C6orf89: variants seen among roughly 807,000 people sequenced by gnomAD.
C6orf89 encodes the protein bombesin receptor-activated protein C6orf89.
A neutral mutation model predicts 40.7 loss-of-function variants in C6orf89; 29 were observed. That is an observed-to-expected ratio of 0.71 (90% CI 0.53 to 0.97). The LOEUF (loss-of-function observed/expected upper bound fraction) is 0.97, where lower values mean the gene tolerates loss of function less well. Among genes scored for constraint, C6orf89 ranks in the 50% least tolerant of loss-of-function variants. C6orf89 has a pLI of 0.00. For synonymous variants in C6orf89, 165 were observed against 152.2 expected, an observed-to-expected ratio of 1.08 and a Z score of -0.62; for missense variants, 392 against 429.1, an observed-to-expected ratio of 0.91 and a Z score of 0.76.
At chr6:36,893,221 AC>A (rs1373677987) in intron 1 of C6orf89, among the ~76,000 whole-genome samples, 1 of 151,114 alleles carries the variant, frequency 6.6e-6, no homozygotes, top group Non-Finnish European at 1.5e-5. Context: ...GGCGTGAGCC[AC>A]CGCGCCCGGC....
chr6:36,878,294 C>T (rs1434963657), intron 1 of C6orf89, among the ~76,000 whole-genome samples: 1 of 152,234 alleles, frequency 6.6e-6, no homozygotes, highest in Non-Finnish European at 1.5e-5. Flanking sequence ...ATGTCACTGT[C>T]ACACTACCTC....
upstream of C6orf89, among the ~76,000 whole-genome samples, chr6:36,884,639 C>T (rs531128676): frequency 5.3e-5 from 8 of 152,104 alleles, no homozygotes; most frequent in Non-Finnish European, 1.2e-4. The surrounding 1 kb of genome is among the most constrained non-coding windows in gnomAD (Gnocchi z 4.0). Context: ...CTGAGAGTGG[C>T]GCTAAGGCCC....
intron 4 of C6orf89, among the ~76,000 whole-genome samples, chr6:36,907,636 C>T (rs1193606538): frequency 1.3e-5 from 2 of 151,996 alleles, no homozygotes; most frequent in Non-Finnish European, 2.9e-5. Flanking sequence ...CTTTATTGAA[C>T]TTTTATATGT....
chr6:36,886,141 A>C (rs1338457275), intron 1 of C6orf89, 113 bp downstream of exon 1: 3 of 957,954 alleles, frequency 3.1e-6, no homozygotes, highest in Non-Finnish European at 4.1e-6. Flanking sequence ...ACCACCCTCT[A>C]TCCCAGCGCG....
In C6orf89 at chr6:36,914,584, C is replaced by G. The variant is rs1226132774; in HGVS notation, c.586C>G (p.Gln196Glu). The change falls in exon 6 of 9, where the codon CAG (glutamine) becomes GAG (glutamate). Residue 196 changes from glutamine (Q) to glutamate (E), a missense_variant. Gln to Glu is a conservative substitution (Grantham distance 29). Coordinates refer to ENST00000480824, the MANE Select transcript of C6orf89 (RefSeq NM_001286635.2). ...AAAGCCCCTGTTGGAGGAAGAGATTCAGCATTTTTTGTGCCAGTACCCTGA... is the reference window on the plus strand; with the variant it reads ...AAAGCCCCTGTTGGAGGAAGAGATTGAGCATTTTTTGTGCCAGTACCCTGA... ...TGKPLLEEEI[Q>E]HFLCQYPEAT... is the part of the protein sequence containing the mutation. The G allele has an allele frequency of 6.2e-7, 1 of 1,614,210 alleles. No homozygotes were observed. The highest frequency in any genetic ancestry group is 8.5e-7 in the Non-Finnish European group (1 of 1,180,022).
At chr6:36,874,907 A>G (rs1774610154) in intron 1 of C6orf89, 5 of 969,882 alleles carry the variant, frequency 5.2e-6, no homozygotes, top group Non-Finnish European at 6.3e-6. Context: ...AAGACAAGGA[A>G]GAGGACGGTC....
At chr6:36,893,260 GT>G (rs533203816) in intron 1 of C6orf89, among the ~76,000 whole-genome samples, 2 of 151,616 alleles carry the variant, frequency 1.3e-5, no homozygotes, top group Admixed American at 6.6e-5. Context: ...TAAGGGATGA[GT>G]TTTTTTGTTC....
upstream of C6orf89, among the ~76,000 whole-genome samples, chr6:36,884,560 A>T (rs1391439871): frequency 6.6e-6 from 1 of 152,222 alleles, no homozygotes; most frequent in Non-Finnish European, 1.5e-5. The surrounding 1 kb of genome is among the most constrained non-coding windows in gnomAD (Gnocchi z 4.0). Flanking sequence ...AACTGAAAGA[A>T]ATGTGTGACC....
chr6:36,901,003 T>C (rs1761662249), intron 3 of C6orf89, among the ~76,000 whole-genome samples: 2 of 151,734 alleles, frequency 1.3e-5, no homozygotes, highest in South Asian at 4.2e-4. Context: ...TGCGCAACCA[T>C]GCCCGGCTAA....
intron 1 of C6orf89, chr6:36,874,690 C>G: frequency 6.2e-7 from 1 of 1,612,720 alleles, no homozygotes; most frequent in East Asian, 2.2e-5. Context: ...TCTCCTCTGC[C>G]AGCCCCAGAC....
chr6:36,889,648 T>A (rs1775124360), intron 1 of C6orf89, among the ~76,000 whole-genome samples: 1 of 151,882 alleles, frequency 6.6e-6, no homozygotes, highest in African/African-American at 2.4e-5. Flanking sequence ...AAGAGAGGCA[T>A]GGCAGCCAAA....
At chr6:36,897,750 T>C (rs540585644) in intron 2 of C6orf89, among the ~76,000 whole-genome samples, 34 of 152,196 alleles carry the variant, frequency 2.2e-4, no homozygotes, top group South Asian at 2.1e-3. Context: ...ACAGGAGTGA[T>C]TGGGAGGCAC....
At chr6:36,923,315 T>G in intron 8 of C6orf89, 32 bp from the exon 9 acceptor site, 1 of 1,573,444 alleles carries the variant, frequency 6.4e-7, no homozygotes, top group Non-Finnish European at 8.7e-7. Context: ...CTCTGACATT[T>G]ACATGCCTTC....
chr6:36,895,215 T>C (rs1162935905), intron 2 of C6orf89, among the ~76,000 whole-genome samples: 3 of 152,166 alleles, frequency 2.0e-5, no homozygotes, highest in African/African-American at 7.2e-5. Flanking sequence ...CAGGAAAAGT[T>C]TGGGAAATAT....
At position 36,923,497 on chromosome 6, in the gene C6orf89, G is replaced by T; in HGVS notation, c.*56G>T. The T allele has an allele frequency of 7.1e-7, 1 of 1,405,640 alleles. No homozygotes were observed. Among genetic ancestry groups the T allele is most frequent in the Non-Finnish European group, 1.0e-6 (1 of 992,896 alleles). 87.1% of individuals were successfully genotyped at this position (1,405,640 alleles called of 1,614,324 possible). On this transcript the variant is annotated 3_prime_UTR_variant, in exon 9 of 9. Coordinates refer to ENST00000480824, the MANE Select transcript of C6orf89 (RefSeq NM_001286635.2). ...AGAGCCGAAAACCAGGTTGAAAGGGGAAAAATAAAAACAAAAACGATGAAA... is the reference window on the plus strand; with the variant it reads ...AGAGCCGAAAACCAGGTTGAAAGGGTAAAAATAAAAACAAAAACGATGAAA...
intron 4 of C6orf89, among the ~76,000 whole-genome samples, chr6:36,906,587 C>G (rs773491826): frequency 3.9e-5 from 6 of 152,134 alleles, no homozygotes; most frequent in Non-Finnish European, 8.8e-5. Flanking sequence ...AATAGACTTT[C>G]TCTGTGGTTT....
chr6:36,925,572 T>C lies in C6orf89; in HGVS notation c.*2131T>C, dbSNP rs1370329001. 1.3e-5 allele frequency: 2 copies of C among 152,256 alleles called. No homozygotes were observed. Among genetic ancestry groups the C allele is most frequent in the African/African-American group, 4.8e-5 (2 of 41,472 alleles). The allele number at this position is 152,256 out of a possible 1,614,324, so 9.4% of individuals were successfully genotyped here. ...TTTATGGATATACTACTCATTTTAC[T>C]TAAAATCTACCCAGTTCAGACTTGA... On this transcript the variant is annotated 3_prime_UTR_variant, in exon 9 of 9. Transcript: ENST00000480824.
chr6:36,883,607 A>G (rs1774882299), upstream of C6orf89, among the ~76,000 whole-genome samples: 1 of 152,246 alleles, frequency 6.6e-6, no homozygotes, highest in Admixed American at 6.5e-5. Context: ...TAGATAAAAG[A>G]TGAAGGCCCA....
chr6:36,926,734 C>T lies in C6orf89; in HGVS notation c.*3293C>T, dbSNP rs1273639573. On this transcript the variant is annotated 3_prime_UTR_variant, in exon 9 of 9. Transcript: ENST00000480824. ...TGATCTCCTTTAATCTTCACCCAAT[C>T]CTGTAAAGTAGGTGTTAGATCCCCA... is the stretch of plus-strand genomic sequence containing the variant. 1 of 152,202 alleles carries T rather than the reference C, an allele frequency of 6.6e-6. No homozygotes were observed. Among genetic ancestry groups the T allele is most frequent in the Non-Finnish European group, 1.5e-5 (1 of 68,044 alleles). 9.4% of individuals were successfully genotyped at this position (152,202 alleles called of 1,614,324 possible).
Sources: gnomAD v4.1 joint callset for allele counts (sites outside exome capture counted in the v4.1 genomes callset) on GRCh38, gnomAD v4.1.1 for gene constraint, Gnocchi (gnomAD v3.1) non-coding constraint, MANE v1.5 for transcripts, NCBI Gene and HGNC (gene_info 2026-07-23, HGNC 2026-07-21) for gene names.